Variants in ABCA2 observed in about 807,000 individuals in gnomAD.
ABCA2 encodes ATP binding cassette subfamily A member 2, also known as ATP-binding cassette sub-family A member 2.
ABCA2 carries 84 observed loss-of-function variants against 262.8 expected under a neutral mutation model. That is an observed-to-expected ratio of 0.32 (90% CI 0.27 to 0.38). ABCA2 has a LOEUF of 0.38. Ranked by LOEUF, ABCA2 falls within the 10% of genes least tolerant of loss-of-function variation. The pLI, the probability that ABCA2 is intolerant of heterozygous loss-of-function variation, is 1.00. For synonymous variants in ABCA2, 1,696 were observed against 1,502.9 expected (o/e 1.13, Z -2.97); for missense variants, 2,662 against 3,405.9 (o/e 0.78, Z 5.44).
Position 137,014,374 on chromosome 9 carries a change from G to T in ABCA2, c.4034C>A (p.Pro1345His). ...CCCAGACGCCGGGCCCTCCGCCCCAGGGAGCACATCCTTCCTGGACTCCTT... is the reference window on the plus strand; with the variant it reads ...CCCAGACGCCGGGCCCTCCGCCCCATGGAGCACATCCTTCCTGGACTCCTT... ...DVKESRKDVL[P>H]GAEGPASGEG... The change falls in exon 27 of 49, where the codon CCT (proline) becomes CAT (histidine). Residue 1345 changes from proline (P) to histidine (H), a missense_variant. Pro to His is a moderately conservative substitution (Grantham distance 77, BLOSUM62 -2). This residue lies in a region of ABCA2 where 297 missense variants were observed against 286.5 expected (regional missense o/e 1.04). Transcript: ENST00000341511. 1 of 1,596,014 alleles carries T rather than the reference G, an allele frequency of 6.3e-7. No homozygotes were observed.
chr9:137,013,442 C>T lies in ABCA2; in HGVS notation c.4550+19G>A, dbSNP rs749588518. The stretch of plus-strand genomic sequence containing the variant: ...TCACTCGCCCCACCCACCAAGGCTG[C>T]CCCCGCTGGAGGCCTCACCGGTACT... On this transcript the variant is annotated intron_variant, in intron 29 of 48. Transcript: ENST00000341511. 1.3e-6 allele frequency: 2 copies of T among 1,589,690 alleles called. No individual in the cohort carries two copies. The highest frequency in any genetic ancestry group is 1.3e-5 in the African/African-American group (1 of 74,760).
At chr9:137,015,290 C>A in intron 24 of ABCA2, 124 bp downstream of exon 24, 1 of 1,293,020 alleles carries the variant, frequency 7.7e-7, no homozygotes, top group Non-Finnish European at 1.0e-6. Flanking sequence ...GCGGGCCAGG[C>A]CCCAGCAGGC....
At position 137,012,335 on chromosome 9, in the gene ABCA2, G is replaced by A. The variant is rs1225315890; in HGVS notation, c.5229C>T (p.Tyr1743=). The change falls in exon 33 of 49, where the codon TAC becomes TAT. Residue 1743 remains tyrosine (Y), a synonymous_variant. Transcript: ENST00000341511. The stretch of plus-strand genomic sequence containing the variant: ...GGATGGCGTTGTTGAGGCTGTTGAG[G>A]TAGGTGGGCATGCTGTGATAGCCCT... ...NNKGYHSMPT[Y]LNSLNNAILR... is the part of the protein sequence containing the mutation. 2 of 1,612,454 alleles carry A rather than the reference G, an allele frequency of 1.2e-6. No individual in the cohort carries two copies. Among genetic ancestry groups the A allele is most frequent in the Non-Finnish European group, 1.7e-6 (2 of 1,179,758 alleles).
chr9:137,009,388 A>G lies in ABCA2; in HGVS notation c.6809T>C (p.Ile2270Thr). 1.5e-6 allele frequency: 2 copies of G among 1,341,980 alleles called. No individual in the cohort carries two copies. Among genetic ancestry groups the G allele is most frequent in the Non-Finnish European group, 2.0e-6 (2 of 1,018,570 alleles). 83.1% of individuals were successfully genotyped at this position (1,341,980 alleles called of 1,614,324 possible). A position where few individuals can be genotyped will look rare whatever the true frequency, so the allele number is the denominator to read the frequency against. The part of the protein sequence containing the change: ...VNGRLRCLGS[I>T]QHLKNRFGDG... ...GGCTCACCGGTTCTTCAGGTGCTGG[A>G]TGCTGCCCAGGCACCGCAGGCGACC... is the stretch of plus-strand genomic sequence containing the variant. The change falls in exon 45 of 49, where the codon ATC becomes ACC. Residue 2270 changes from isoleucine to threonine, a missense_variant. Coordinates refer to ENST00000341511, the MANE Select transcript of ABCA2 (RefSeq NM_001606.5).
At position 137,013,579 on chromosome 9, in the gene ABCA2, G is replaced by A. The variant is rs1445076911; in HGVS notation, c.4448-16C>T. 1 of 1,598,206 alleles carries A rather than the reference G, an allele frequency of 6.3e-7. No individual in the cohort carries two copies. The highest frequency in any genetic ancestry group is 1.7e-5 in the Admixed American group (1 of 57,394). ...GGCAGATCACCTGGCAGGGCGAGCA[G>A]GGAGGCCTGAGCAGGTTCTGCCCTC... On this transcript the variant is annotated splice_polypyrimidine_tract_variant and intron_variant, in intron 28 of 48. Coordinates refer to ENST00000341511, the MANE Select transcript of ABCA2 (RefSeq NM_001606.5).
chr9:137,013,644 C>T (rs1395548168), intron 28 of ABCA2, 81 bp from the exon 29 acceptor site: 1 of 1,441,916 alleles, frequency 6.9e-7, no homozygotes, highest in African/African-American at 1.4e-5. Context: ...TTCCCCCAAC[C>T]CCAAGGGATC....
chr9:137,009,526 TG>T lies in ABCA2; in HGVS notation c.6734+14del, dbSNP rs752661775. The T allele has an allele frequency of 8.4e-7, 1 of 1,186,632 alleles. No individual in the cohort carries two copies. The highest frequency in any genetic ancestry group is 1.2e-5 in the South Asian group (1 of 82,176). 73.5% of individuals were successfully genotyped at this position (1,186,632 alleles called of 1,614,324 possible). A position where few individuals can be genotyped will look rare whatever the true frequency, so the allele number is the denominator to read the frequency against. On this transcript the variant is annotated intron_variant, in intron 44 of 48. Coordinates refer to ENST00000341511, the MANE Select transcript of ABCA2 (RefSeq NM_001606.5). ...GTGGGGTGGGGGCACAAAGAGGGGG[TG>T]GGGGCGCCCTCACCTGTGTGATGTC...
At position 137,022,019 on chromosome 9, in the gene ABCA2, A is replaced by ATGGCTCAGATTGGGGTG. The variant is rs1554738881; in HGVS notation, c.568-19_568-18insCACCCCAATCTGAGCCA. On this transcript the variant is annotated intron_variant, in intron 6 of 48. Coordinates refer to ENST00000341511, the MANE Select transcript of ABCA2 (RefSeq NM_001606.5). ...TGGTAGACCTAGGAGGTGTGGGGGA[A>ATGGCTCAGATTGGGGTG]TGGCTCAGATGGGGTGTGGGGGGCG... The ATGGCTCAGATTGGGGTG allele has an allele frequency of 3.0e-6, 4 of 1,327,834 alleles. No individual in the cohort carries two copies. The highest frequency in any genetic ancestry group is 4.1e-6 in the Non-Finnish European group (4 of 970,880). 82.3% of individuals were successfully genotyped at this position (1,327,834 alleles called of 1,614,324 possible).
In ABCA2 at chr9:137,014,964, G is replaced by A. The variant is rs1380914635; in HGVS notation, c.3831C>T (p.Tyr1277=). 3 of 1,577,420 alleles carry A rather than the reference G, an allele frequency of 1.9e-6. No homozygotes were observed. The East Asian group carries it at 6.7e-5, about 35-fold the overall frequency. Residue 1277 remains tyrosine, a synonymous_variant, in exon 25 of 49, where the codon TAC becomes TAT. Transcript: ENST00000341511. ...TCTTGGCGGCCTCGCTGGGCAGGATGTAGGAGAGCTCCGTGCTTGTGTCTG... is the reference window on the plus strand; with the variant it reads ...TCTTGGCGGCCTCGCTGGGCAGGATATAGGAGAGCTCCGTGCTTGTGTCTG... ...LVSDTSTELS[Y]ILPSEAAKKG...
intron 13 of ABCA2, 74 bp from the exon 14 acceptor site, chr9:137,018,425 A>C: frequency 4.3e-5 from 3 of 70,550 alleles, no homozygotes; most frequent in Non-Finnish European, 4.6e-5. Context: ...AAAGCAAGGC[A>C]CGGGGGCGGG....
rs1013568690 is a variant in ABCA2, at chr9:137,011,176, G to A, written c.5923+10C>T. 3 of 1,612,362 alleles carry A rather than the reference G, an allele frequency of 1.9e-6. No homozygotes were observed. The highest frequency in any genetic ancestry group is 2.5e-6 in the Non-Finnish European group (3 of 1,179,786). On this transcript the variant is annotated intron_variant, in intron 38 of 48. Coordinates refer to ENST00000341511, the MANE Select transcript of ABCA2 (RefSeq NM_001606.5). The surrounding 1 kb of genome is among the most constrained non-coding windows in gnomAD (Gnocchi z 8.8). ...CCCCACCGCCTTCCCCGCCCCACGG[G>A]CCCCCTCACCAATCTTGGCGTAGTA... is the stretch of plus-strand genomic sequence containing the variant.
Position 137,017,793 on chromosome 9 carries a change from G to C in ABCA2, c.2205C>G (p.Leu735=), listed in dbSNP as rs771490932. Residue 735 remains leucine, a synonymous_variant, in exon 16 of 49, where the codon CTC becomes CTG. Transcript: ENST00000341511. The part of the protein sequence containing the change: ...QHIVAEKEHR[L]KEVMKTMGLN... Reference sequence around the variant, plus strand: ...AGAGTCCCGGCCCGCGCACCTCCTTGAGCCGGTGCTCCTTCTCCGCCACGA... The same window carrying C: ...AGAGTCCCGGCCCGCGCACCTCCTTCAGCCGGTGCTCCTTCTCCGCCACGA... The C allele has an allele frequency of 1.4e-5, 22 of 1,612,438 alleles. No individual in the cohort carries two copies. The South Asian group carries it at 2.3e-4, about 17-fold the overall frequency.
chr9:137,011,571 G>A lies in ABCA2; in HGVS notation c.5652-17C>T, dbSNP rs1434418561. The stretch of plus-strand genomic sequence containing the variant: ...ATGGACCACCTGCGGGCAGGTGGCG[G>A]GCAGTGGTCACCAGGCAGCCCCGGT... On this transcript the variant is annotated splice_polypyrimidine_tract_variant and intron_variant, in intron 36 of 48. Coordinates refer to ENST00000341511, the MANE Select transcript of ABCA2 (RefSeq NM_001606.5). This position sits in a 1 kb window ranked among gnomAD's most constrained non-coding sequence, Gnocchi z 8.8. The A allele has an allele frequency of 1.3e-6, 2 of 1,567,250 alleles. No individual in the cohort carries two copies. The highest frequency in any genetic ancestry group is 4.7e-5 in the East Asian group (2 of 42,220).
At position 137,014,764 on chromosome 9, in the gene ABCA2, A is replaced by G. The variant is rs1406599304; in HGVS notation, c.3929T>C (p.Leu1310Pro). 6.2e-7 allele frequency: 1 copy of G among 1,600,446 alleles called. No individual in the cohort carries two copies. The part of the protein sequence containing the change: ...LDALHLSSFG[L>P]MDTTLEEVFL... ...CACTTCCTCCAGGGTCGTGTCCATC[A>G]GCCCGAAGCTGCTGAGGTGCAGTGC... The change falls in exon 26 of 49, where the codon CTG becomes CCG. Residue 1310 changes from leucine (L) to proline (P), a missense_variant. This residue lies in a region of ABCA2 where 297 missense variants were observed against 286.5 expected (regional missense o/e 1.04). Coordinates refer to ENST00000341511, the MANE Select transcript of ABCA2 (RefSeq NM_001606.5).
chr9:137,022,355 G>C lies in ABCA2; in HGVS notation c.563C>G (p.Pro188Arg), dbSNP rs770572984. 5.0e-6 allele frequency: 8 copies of C among 1,605,436 alleles called. No homozygotes were observed. Among genetic ancestry groups the C allele is most frequent in the Non-Finnish European group, 6.8e-6 (8 of 1,176,636 alleles). The change falls in exon 6 of 49, where the codon CCC (proline) becomes CGC (arginine). Residue 188 changes from proline to arginine, a missense_variant. By Grantham distance (103) the Pro-to-Arg change is moderately radical. Around this residue, in one of 12 missense-constraint regions of ABCA2, gnomAD observed 403 missense variants for 375.9 expected, o/e 1.07. Coordinates refer to ENST00000341511, the MANE Select transcript of ABCA2 (RefSeq NM_001606.5). ...TGGGAGCTGTCCCTGCCTTACCTCG[G>C]GCGGGTCCACACGGGCGGCCAAGAG... The part of the protein sequence containing the change: ...QALLAARVDP[P>R]EVYHLLFGPS...
intron 1 of ABCA2, among the ~76,000 whole-genome samples, chr9:137,026,536 C>G (rs1036292038): frequency 1.6e-4 from 25 of 152,194 alleles, no homozygotes; most frequent in African/African-American, 6.0e-4. Context: ...GGCTAAGGAC[C>G]TCCACTGTGG....
chr9:137,016,254 C>T, intron 21 of ABCA2, 37 bp downstream of exon 21: 1 of 1,611,644 alleles, frequency 6.2e-7, no homozygotes, highest in African/African-American at 1.3e-5. Flanking sequence ...CTGCTCTGGT[C>T]AGCAGATGCC....
At position 137,019,391 on chromosome 9, in the gene ABCA2, G is replaced by A. The variant is rs573730763; in HGVS notation, c.1426-85C>T. On this transcript the variant is annotated intron_variant, in intron 10 of 48. Coordinates refer to ENST00000341511, the MANE Select transcript of ABCA2 (RefSeq NM_001606.5). The surrounding 1 kb of genome is among the most constrained non-coding windows in gnomAD (Gnocchi z 4.4). The stretch of plus-strand genomic sequence containing the variant: ...TCTCACCCCACTCACCTCCCCAGTG[G>A]CTGGTCCATTGCCAACAACTAACCC... 74 of 1,520,724 alleles carry A rather than the reference G, an allele frequency of 4.9e-5. No individual in the cohort carries two copies. The African/African-American group carries it at 6.1e-4, about 13-fold the overall frequency. 94.2% of individuals were successfully genotyped at this position (1,520,724 alleles called of 1,614,324 possible).
In ABCA2 at chr9:137,014,332, T is replaced by A; in HGVS notation, c.4076A>T (p.Asn1359Ile). 6.2e-7 allele frequency: 1 copy of A among 1,608,466 alleles called. No homozygotes were observed. The change falls in exon 27 of 49, where the codon AAT (asparagine) becomes ATT (isoleucine). Residue 1359 changes from asparagine (N) to isoleucine (I), a missense_variant. Asn to Ile is a moderately radical substitution (Grantham distance 149). Transcript: ENST00000341511. ...GGTCAGCTCCGAGCACCGGGCCAGA[T>A]TGCCAGCGTGACCCTCCCCAGACGC... is the stretch of plus-strand genomic sequence containing the variant. ...GPASGEGHAG[N>I]LARCSELTQS...
Sources: allele counts gnomAD v4.1 joint callset (sites outside exome capture counted in the v4.1 genomes callset), GRCh38; gene constraint gnomAD v4.1.1; regional missense constraint gnomAD v4.1.1; non-coding constraint Gnocchi (gnomAD v3.1); transcripts MANE v1.5; gene names NCBI Gene and HGNC (gene_info 2026-07-23, HGNC 2026-07-21).